Variants in SLC6A6 observed in about 807,000 individuals in gnomAD.
The protein encoded by SLC6A6 is sodium- and chloride-dependent taurine transporter.
SLC6A6 carries 16 observed loss-of-function variants against 68.8 expected under a neutral mutation model. The ratio of observed to expected loss-of-function variants is 0.23; its 90% CI spans 0.16 to 0.35. The LOEUF (loss-of-function observed/expected upper bound fraction) is 0.35, where lower values mean the gene tolerates loss of function less well. Among genes scored for constraint, SLC6A6 ranks in the 10% least tolerant of loss-of-function variants. The pLI, the probability that SLC6A6 is intolerant of heterozygous loss-of-function variation, is 1.00. For missense variants in SLC6A6, 474 were observed against 802.8 expected (o/e 0.59, Z 4.95); for synonymous variants, 312 against 315.4 (o/e 0.99, Z 0.12).
At chr3:14,470,587 TC>T (rs1700729549) in intron 9 of SLC6A6, among the ~76,000 whole-genome samples, 1 of 152,186 alleles carries the variant, frequency 6.6e-6, no homozygotes, top group African/African-American at 2.4e-5. Context: ...CTTCACAACG[TC>T]CCTGGTGGGT....
chr3:14,447,875 A>C (rs1574941881), intron 5 of SLC6A6, 59 bp downstream of exon 5: 2 of 1,593,890 alleles, frequency 1.3e-6, no homozygotes. Context: ...AGGATGGCCC[A>C]CTTCCTTATC....
rs1175390276 is a variant in SLC6A6 at position 14,445,716 on chromosome 3, G to A, written c.230-1G>A. On this transcript the variant is annotated splice_acceptor_variant, in intron 3 of 14. Coordinates refer to ENST00000622186, the MANE Select transcript of SLC6A6 (RefSeq NM_003043.6). LOFTEE classifies it high-confidence loss of function. The stretch of plus-strand genomic sequence containing the variant: ...ACTTTTGCCCATTCTGCTCTCTGCA[G>A]GTGCGTTTCTCATACCGTATTTTAT... 6.2e-7 allele frequency: 1 copy of A among 1,614,142 alleles called. No individual in the cohort carries two copies.
chr3:14,417,236 G>T (rs1048162565), intron 2 of SLC6A6, among the ~76,000 whole-genome samples: 2 of 152,330 alleles, frequency 1.3e-5, no homozygotes, highest in East Asian at 3.9e-4. Context: ...TGCTAAAGTT[G>T]CAAGAGTATT....
At chr3:14,449,910 T>C (rs993688541) in intron 5 of SLC6A6, among the ~76,000 whole-genome samples, 1 of 152,010 alleles carries the variant, frequency 6.6e-6, no homozygotes, top group Non-Finnish European at 1.5e-5. Flanking sequence ...CACCACTATG[T>C]CCAGCTAATT....
intron 6 of SLC6A6, among the ~76,000 whole-genome samples, chr3:14,461,590 C>T (rs997308394): frequency 6.6e-6 from 1 of 152,216 alleles, no homozygotes; most frequent in African/African-American, 2.4e-5. Context: ...TTCACTGAGG[C>T]TGGGGCTCTT....
At chr3:14,443,406 G>A (rs1700036952) in intron 2 of SLC6A6, among the ~76,000 whole-genome samples, 1 of 152,146 alleles carries the variant, frequency 6.6e-6, no homozygotes. Flanking sequence ...TGGGTTGCAA[G>A]TGTCCACAGC....
In SLC6A6 at chr3:14,472,215, G is replaced by A; in HGVS notation, c.1107G>A (p.Leu369=). ...IADVAESGPG[L]AFIAYPKAVT... ...TTCTTTCCTTTCTAGGTCCTGGCCT[G>A]GCCTTCATTGCCTACCCAAAAGCTG... Residue 369 remains leucine (L), a synonymous_variant, in exon 10 of 15, where the codon CTG becomes CTA. Coordinates refer to ENST00000622186, the MANE Select transcript of SLC6A6 (RefSeq NM_003043.6). This position sits in a 1 kb window ranked among gnomAD's most constrained non-coding sequence, Gnocchi z 4.5. 1.2e-6 allele frequency: 2 copies of A among 1,610,784 alleles called. No individual in the cohort carries two copies. The highest frequency in any genetic ancestry group is 1.7e-6 in the Non-Finnish European group (2 of 1,176,962).
chr3:14,404,327 G>T (rs1005609073), intron 1 of SLC6A6, among the ~76,000 whole-genome samples: 7 of 151,936 alleles, frequency 4.6e-5, no homozygotes, highest in African/African-American at 1.7e-4. Flanking sequence ...GGATTGTGGG[G>T]TGGGCATGAG....
intron 5 of SLC6A6, among the ~76,000 whole-genome samples, chr3:14,457,287 C>T (rs1175776609): frequency 6.6e-6 from 1 of 152,192 alleles, no homozygotes; most frequent in Non-Finnish European, 1.5e-5. Context: ...CCTGGCAGGG[C>T]AGGGGAGGAA....
intron 4 of SLC6A6, among the ~76,000 whole-genome samples, chr3:14,446,894 G>C (rs1700134312): frequency 1.3e-5 from 2 of 152,180 alleles, no homozygotes; most frequent in South Asian, 4.1e-4. Flanking sequence ...AGAGACGGGA[G>C]CATATGTGAG....
intron 1 of SLC6A6, among the ~76,000 whole-genome samples, chr3:14,407,242 G>T (rs927252821): frequency 6.6e-6 from 1 of 151,756 alleles, no homozygotes; most frequent in Non-Finnish European, 1.5e-5. Flanking sequence ...TACGGAGGAG[G>T]TTTCACCATG....
At chr3:14,406,416 C>G (rs1553565694) in intron 1 of SLC6A6, among the ~76,000 whole-genome samples, 1 of 152,148 alleles carries the variant, frequency 6.6e-6, no homozygotes, top group Non-Finnish European at 1.5e-5. Context: ...GCCTGGAGCC[C>G]AGGAGAACCC....
intron 1 of SLC6A6, among the ~76,000 whole-genome samples, chr3:14,411,950 C>T (rs1699260620): frequency 6.6e-6 from 1 of 152,210 alleles, no homozygotes; most frequent in South Asian, 2.1e-4. Context: ...AAATCAAAGG[C>T]CCTGCATCAG....
chr3:14,483,500 G>A (rs545431298), intron 14 of SLC6A6, among the ~76,000 whole-genome samples: 17 of 152,244 alleles, frequency 1.1e-4, no homozygotes, highest in East Asian at 9.7e-4. Flanking sequence ...ACTCTCCTCC[G>A]CCCTCCCAGG....
chr3:14,429,041 C>T (rs1699664250), intron 2 of SLC6A6, among the ~76,000 whole-genome samples: 1 of 152,312 alleles, frequency 6.6e-6, no homozygotes, highest in South Asian at 2.1e-4. Flanking sequence ...TCTGCACCCC[C>T]CTACCCCCAG....
chr3:14,434,446 T>A (rs916222744), intron 2 of SLC6A6, among the ~76,000 whole-genome samples: 9 of 152,254 alleles, frequency 5.9e-5, no homozygotes, highest in African/African-American at 2.2e-4. Flanking sequence ...TCTCCCCTTC[T>A]GCAGGTCAGC....
rs1208491799 is a variant in SLC6A6 at position 14,485,081 on chromosome 3, C to T, written c.*74C>T. The T allele has an allele frequency of 3.0e-6, 4 of 1,317,890 alleles. No individual in the cohort carries two copies. The highest frequency in any genetic ancestry group is 4.1e-6 in the Non-Finnish European group (4 of 969,228). 81.6% of individuals were successfully genotyped at this position (1,317,890 alleles called of 1,614,324 possible). Reference sequence around the variant, plus strand: ...TTAGATTCTCATAGGACCAGGTTTACAGAGCTTTATATTTGCACTAGGATT... The same window carrying T: ...TTAGATTCTCATAGGACCAGGTTTATAGAGCTTTATATTTGCACTAGGATT... On this transcript the variant is annotated 3_prime_UTR_variant, in exon 15 of 15. Transcript: ENST00000622186.
In SLC6A6 at chr3:14,436,531, CTTTTTTTTTTTTTTTTTTTTTTTTTTTT is replaced by C. The variant is rs58996264; in HGVS notation, c.-11-7070_-11-7043del. ...GAATAGCACTCTTAACAACAACTCC[CTTTTTTTTTTTTTTTTTTTTTTTTTTTT>C]TTTTTTTTTTTTTTTTTTTTTTGGT... On this transcript the variant is annotated intron_variant, in intron 2 of 14. Transcript: ENST00000622186. Among the ~76,000 whole-genome samples, 37 of 112,582 alleles carry C rather than the reference CTTTTTTTTTTTTTTTTTTTTTTTTTTTT, an allele frequency of 3.3e-4. 2 individuals are homozygous for C. The highest frequency in any genetic ancestry group is 3.3e-4 in the Non-Finnish European group (18 of 54,118). 73.9% of individuals were successfully genotyped at this position (112,582 alleles called of 152,430 possible). A position where few individuals can be genotyped will look rare whatever the true frequency, so the allele number is the denominator to read the frequency against.
chr3:14,457,799 G>A (rs1268474004), intron 5 of SLC6A6, 151 bp from the exon 6 acceptor site: 11 of 666,262 alleles, frequency 1.7e-5, no homozygotes, highest in African/African-American at 1.6e-4. Flanking sequence ...AAGACAAATG[G>A]GGATTCCTGG....
Sources: allele counts gnomAD v4.1 joint callset (sites outside exome capture counted in the v4.1 genomes callset), GRCh38; gene constraint gnomAD v4.1.1; non-coding constraint Gnocchi (gnomAD v3.1); transcripts MANE v1.5; gene names NCBI Gene and HGNC (gene_info 2026-07-23, HGNC 2026-07-21).